The following MEGF11 variants were observed in gnomAD, a reference collection of about 807,000 sequenced individuals.
MEGF11 encodes the protein multiple epidermal growth factor-like domains protein 11.
MEGF11 carries 126 observed loss-of-function variants against 146.6 expected under a neutral mutation model. That is an observed-to-expected ratio of 0.86 (90% CI 0.74 to 1.00). MEGF11 has a LOEUF of 1.00. Ranked by LOEUF, MEGF11 falls within the 50% of genes least tolerant of loss-of-function variation. The pLI, the probability that MEGF11 is intolerant of heterozygous loss-of-function variation, is 0.00. For missense variants in MEGF11, 1,509 were observed against 1,521.2 expected (o/e 0.99, Z 0.13); for synonymous variants, 532 against 583.4 (o/e 0.91, Z 1.27).
chr15:66,161,499 C>T (rs151293149), intron 1 of MEGF11, among the ~76,000 whole-genome samples: 1 of 152,318 alleles, frequency 6.6e-6, no homozygotes, highest in African/African-American at 2.4e-5. Flanking sequence ...GATCCTCCCA[C>T]CTCAGCCCCT....
intron 5 of MEGF11, among the ~76,000 whole-genome samples, chr15:66,016,876 GT>G (rs1294822622): frequency 6.6e-6 from 1 of 152,208 alleles, no homozygotes; most frequent in African/African-American, 2.4e-5. Flanking sequence ...GAGACAGGAA[GT>G]TTTCCCAAAG....
intron 22 of MEGF11, among the ~76,000 whole-genome samples, 167 bp downstream of exon 22, chr15:65,909,573 G>A (rs1390088396): frequency 1.3e-5 from 2 of 152,064 alleles, no homozygotes; most frequent in Non-Finnish European, 2.9e-5. Context: ...ATATAGTAAT[G>A]GAAAGGGATT....
At chr15:66,098,147 C>A (rs2086631033) in intron 4 of MEGF11, among the ~76,000 whole-genome samples, 1 of 152,126 alleles carries the variant, frequency 6.6e-6, no homozygotes, top group African/African-American at 2.4e-5. Flanking sequence ...GATGGAAGGC[C>A]AGGGCATCAG....
At chr15:65,903,960 A>T (rs1237449061) in intron 24 of MEGF11, among the ~76,000 whole-genome samples, 3 of 152,328 alleles carry the variant, frequency 2.0e-5, no homozygotes, top group Non-Finnish European at 4.4e-5. Context: ...GAGTGGTAAA[A>T]TAAGATCTGG....
At chr15:65,964,103 C>T (rs534930772) in intron 9 of MEGF11, among the ~76,000 whole-genome samples, 12 of 152,312 alleles carry the variant, frequency 7.9e-5, no homozygotes, top group African/African-American at 2.4e-5. Flanking sequence ...GCTGTGGGGG[C>T]GTTCATCCAG....
At chr15:65,898,190 C>A (rs768457812) in intron 25 of MEGF11, 96 bp from the exon 26 acceptor site, 21 of 1,474,522 alleles carry the variant, frequency 1.4e-5, no homozygotes, top group Non-Finnish European at 1.9e-5. Flanking sequence ...GGGAAAGGAG[C>A]CAGGGATTTA....
intron 5 of MEGF11, among the ~76,000 whole-genome samples, chr15:66,007,664 G>A (rs2082561130): frequency 6.6e-6 from 1 of 152,200 alleles, no homozygotes; most frequent in Non-Finnish European, 1.5e-5. Context: ...GAGGAGAAAG[G>A]ATGGCTTGAG....
intron 5 of MEGF11, among the ~76,000 whole-genome samples, chr15:66,026,986 A>G (rs922460071): frequency 2.0e-5 from 3 of 152,230 alleles, no homozygotes; most frequent in Non-Finnish European, 4.4e-5. Flanking sequence ...CTGGAAGGAC[A>G]CATATCCCAC....
At chr15:65,943,509 A>AT (rs2080081118) in intron 10 of MEGF11, among the ~76,000 whole-genome samples, 1 of 152,064 alleles carries the variant, frequency 6.6e-6, no homozygotes, top group South Asian at 2.1e-4. Context: ...ATTTCGTGTG[A>AT]TTAACACGTG....
intron 12 of MEGF11, among the ~76,000 whole-genome samples, chr15:65,929,272 G>A (rs1464106547): frequency 6.6e-6 from 1 of 152,156 alleles, no homozygotes; most frequent in Non-Finnish European, 1.5e-5. Context: ...GGTTATTATT[G>A]AACAGTGCTT....
At chr15:66,141,355 C>T (rs927203590) in intron 1 of MEGF11, among the ~76,000 whole-genome samples, 26 of 150,798 alleles carry the variant, frequency 1.7e-4, no homozygotes, top group African/African-American at 6.1e-4. Context: ...TCCATGCTCA[C>T]GAGATTGGAG....
chr15:66,201,456 G>T (rs1049315231), intron 1 of MEGF11, among the ~76,000 whole-genome samples: 17 of 152,130 alleles, frequency 1.1e-4, no homozygotes, highest in South Asian at 4.1e-4. Context: ...GTAGGATGAG[G>T]CACACGGCAC....
intron 5 of MEGF11, among the ~76,000 whole-genome samples, chr15:65,995,307 G>A (rs1289681393): frequency 6.6e-6 from 1 of 152,194 alleles, no homozygotes; most frequent in Middle Eastern, 3.2e-3. Context: ...TGTTTTGTTT[G>A]TTTTCTAATC....
At chr15:65,969,027 C>G (rs1192233315) in intron 8 of MEGF11, among the ~76,000 whole-genome samples, 1 of 152,210 alleles carries the variant, frequency 6.6e-6, no homozygotes, top group African/African-American at 2.4e-5. Flanking sequence ...CTATTGAACC[C>G]TCCTGTGGTT....
At chr15:65,976,174 C>T (rs564330823) in intron 7 of MEGF11, among the ~76,000 whole-genome samples, 1 of 151,686 alleles carries the variant, frequency 6.6e-6, no homozygotes, top group South Asian at 2.1e-4. Flanking sequence ...TCCTGAATAG[C>T]TGGGATTACA....
chr15:66,228,963 C>T (rs573180012), intron 1 of MEGF11, among the ~76,000 whole-genome samples: 1 of 152,146 alleles, frequency 6.6e-6, no homozygotes, highest in Non-Finnish European at 1.5e-5. Context: ...CAAGTCCCTG[C>T]AGACCTGGCG....
At chr15:65,961,401 G>A (rs2080852744) in intron 9 of MEGF11, among the ~76,000 whole-genome samples, 1 of 152,174 alleles carries the variant, frequency 6.6e-6, no homozygotes, top group Non-Finnish European at 1.5e-5. Context: ...TCTTTCAGCT[G>A]CTATGAGATT....
At chr15:66,055,794 A>G (rs2084650154) in intron 5 of MEGF11, among the ~76,000 whole-genome samples, 1 of 152,202 alleles carries the variant, frequency 6.6e-6, no homozygotes, top group South Asian at 2.1e-4. Flanking sequence ...TTTTACATAC[A>G]GAACAACCTC....
At chr15:66,028,202 T>C (rs2083401709) in intron 5 of MEGF11, among the ~76,000 whole-genome samples, 1 of 152,224 alleles carries the variant, frequency 6.6e-6, no homozygotes, top group African/African-American at 2.4e-5. Flanking sequence ...GACTGGGACC[T>C]TGTCTTATCT....
Sources: gnomAD v4.1 joint callset for allele counts (sites outside exome capture counted in the v4.1 genomes callset) on GRCh38, gnomAD v4.1.1 for gene constraint, MANE v1.5 for transcripts, NCBI Gene and HGNC (gene_info 2026-07-23, HGNC 2026-07-21) for gene names.